The following ORC2 variants were observed in gnomAD, a reference collection of about 807,000 sequenced individuals.
The protein encoded by ORC2 is origin recognition complex protein 2 homolog.
A neutral mutation model predicts 77.7 loss-of-function variants in ORC2; 37 were observed. That is an observed-to-expected ratio of 0.48 (90% confidence interval 0.37 to 0.63). The LOEUF (loss-of-function observed/expected upper bound fraction) is 0.63, where lower values mean the gene tolerates loss of function less well. Among genes scored for constraint, ORC2 ranks in the 20% least tolerant of loss-of-function variants. The pLI is 0.00. For synonymous variants in ORC2, 201 were observed against 229.5 expected (o/e 0.88, Z 1.12); for missense variants, 557 against 661.9 (o/e 0.84, Z 1.74).
At position 200,914,713 on chromosome 2, in the gene ORC2, A is replaced by G. The variant is rs920239735; in HGVS notation, c.1467-721T>C. Reference sequence around the variant, plus strand: ...AAGATCACTTGAGCCTGGGAGCTTGAGGCTGTACTTGAGTGACAGACACCC... The same window carrying G: ...AAGATCACTTGAGCCTGGGAGCTTGGGGCTGTACTTGAGTGACAGACACCC... On this transcript the variant is annotated intron_variant, in intron 15 of 17. Coordinates refer to ENST00000234296, the MANE Select transcript of ORC2 (RefSeq NM_006190.5). Among the ~76,000 whole-genome samples, 28 of 152,198 alleles carry G rather than the reference A, an allele frequency of 1.8e-4. 1 individual carries two copies. The highest frequency in any genetic ancestry group is 6.5e-4 in the African/African-American group (27 of 41,452).
chr2:200,952,688 G>C (rs527706772), intron 4 of ORC2, among the ~76,000 whole-genome samples: 4 of 151,980 alleles, frequency 2.6e-5, no homozygotes, highest in Non-Finnish European at 5.9e-5. Context: ...GAGAAAATTT[G>C]AGAAACATGA....
At chr2:200,955,570 C>A (rs2041452416) in intron 4 of ORC2, among the ~76,000 whole-genome samples, 1 of 152,078 alleles carries the variant, frequency 6.6e-6, no homozygotes, top group African/African-American at 2.4e-5. Context: ...AACTGAAAAA[C>A]CAAATCACTT....
intron 1 of ORC2, chr2:200,963,230 A>C (rs963831560): frequency 7.7e-6 from 3 of 389,306 alleles, no homozygotes; most frequent in African/African-American, 2.1e-5. Context: ...TCAAGTCTTA[A>C]AGGACTTTGG....
rs1007581804 is a variant in ORC2 at position 200,918,550 on chromosome 2, G to A, written c.1466+1672C>T. On this transcript the variant is annotated intron_variant, in intron 15 of 17. Coordinates refer to ENST00000234296, the MANE Select transcript of ORC2 (RefSeq NM_006190.5). ...GTCACCCAGGCTGGAGTGCAGTGGCGTGATCTTGGCTTACTGCAACCTCCG... is the reference window on the plus strand; with the variant it reads ...GTCACCCAGGCTGGAGTGCAGTGGCATGATCTTGGCTTACTGCAACCTCCG... 8.0e-5 allele frequency among the ~76,000 whole-genome samples: 12 copies of A among 150,274 alleles called. No homozygotes were observed. In the East Asian group the frequency reaches 1.8e-3, roughly 22 times the overall value.
intron 9 of ORC2, among the ~76,000 whole-genome samples, chr2:200,934,854 G>A (rs2124985057): frequency 6.6e-6 from 1 of 152,308 alleles, no homozygotes; most frequent in East Asian, 1.9e-4. Flanking sequence ...AGCTATTTAA[G>A]CAGTAGGCTC....
intron 7 of ORC2, among the ~76,000 whole-genome samples, chr2:200,938,830 G>A (rs565470185): frequency 2.0e-5 from 3 of 151,940 alleles, no homozygotes; most frequent in African/African-American, 2.4e-5. Context: ...ACCTGAGGTC[G>A]GGAGTTTGAG....
intron 4 of ORC2, among the ~76,000 whole-genome samples, chr2:200,956,295 T>C (rs2041463534): frequency 6.6e-6 from 1 of 151,996 alleles, no homozygotes; most frequent in South Asian, 2.1e-4. Context: ...AGTGGTATGA[T>C]CACGGCTCAC....
At chr2:200,940,532 T>TG (rs16841503) in intron 7 of ORC2, among the ~76,000 whole-genome samples, 1,707 of 152,212 alleles carry the variant, frequency 0.011, 16 homozygotes, top group Non-Finnish European at 0.017. Context: ...CCAGGCGTGG[T>TG]GGCTCACACC....
chr2:200,938,717 G>A (rs149872851), intron 7 of ORC2, among the ~76,000 whole-genome samples: 3 of 152,282 alleles, frequency 2.0e-5, no homozygotes, highest in Admixed American at 6.5e-5. Flanking sequence ...GATTGCTGGT[G>A]TCATTAAAAT....
intron 11 of ORC2, among the ~76,000 whole-genome samples, chr2:200,928,252 A>G (rs563767371): frequency 1.3e-3 from 202 of 151,820 alleles, no homozygotes; most frequent in African/African-American, 4.8e-3. Context: ...GCTACTTGGG[A>G]GGCTGAGGCA....
chr2:200,913,363 TGAC>T lies in ORC2; in HGVS notation c.1576_1578del (p.Val526del), dbSNP rs746350723. The T allele has an allele frequency of 2.5e-6, 4 of 1,600,872 alleles. No homozygotes were observed. The African/African-American group carries it at 5.4e-5, about 21-fold the overall frequency. ...TGGGCCCGGAGTGTCAGATCACTATTGACGAGGAATGCCTCCCGACACTGCTGG... is the reference window on the plus strand; with the variant it reads ...TGGGCCCGGAGTGTCAGATCACTATTGAGGAATGCCTCCCGACACTGCTGG... On this transcript the variant is annotated inframe_deletion, in exon 17 of 18. Transcript: ENST00000234296.
At chr2:200,945,022 C>A (rs1181608168) in intron 5 of ORC2, among the ~76,000 whole-genome samples, 2 of 152,156 alleles carry the variant, frequency 1.3e-5, no homozygotes, top group Non-Finnish European at 2.9e-5. Flanking sequence ...TCTGTGGCTG[C>A]TTTTCAGCTA....
At chr2:200,921,245 C>G in intron 13 of ORC2, 106 bp from the exon 14 acceptor site, 1 of 595,192 alleles carries the variant, frequency 1.7e-6, no homozygotes, top group Non-Finnish European at 2.6e-6. Flanking sequence ...CTGCAGCCTC[C>G]AACTCCTGGA....
intron 1 of ORC2, 133 bp downstream of exon 1, chr2:200,963,357 A>C (rs897673654): frequency 2.5e-6 from 1 of 396,858 alleles, no homozygotes; most frequent in Non-Finnish European, 4.4e-6. Context: ...TGCCGAGGGA[A>C]AGTCCTGAGA....
Position 200,961,010 on chromosome 2 carries a change from C to T in ORC2, c.-59-1570G>A, listed in dbSNP as rs573410826. Among the ~76,000 whole-genome samples the T allele has an allele frequency of 2.4e-3, 366 of 152,014 alleles. 3 individuals carry two copies. The highest frequency in any genetic ancestry group is 8.5e-3 in the African/African-American group (354 of 41,446). ...CAGGATGGTGTCGATCTCTTGAACT[C>T]GTGATTGGCCCACCTCAGCCTCCCA... On this transcript the variant is annotated intron_variant, in intron 1 of 17. Transcript: ENST00000234296.
intron 10 of ORC2, among the ~76,000 whole-genome samples, chr2:200,932,491 C>T (rs2040962221): frequency 6.6e-6 from 1 of 152,024 alleles, no homozygotes; most frequent in Admixed American, 6.6e-5. Context: ...AGGCGCGTGC[C>T]ACCACGCCTG....
chr2:200,912,683 G>C (rs1427109783), intron 17 of ORC2, among the ~76,000 whole-genome samples: 3 of 151,992 alleles, frequency 2.0e-5, no homozygotes, highest in Non-Finnish European at 4.4e-5. Flanking sequence ...GCCTCCCAAA[G>C]TGCTGGGATC....
At chr2:200,958,408 T>C (rs1448730682) in intron 2 of ORC2, among the ~76,000 whole-genome samples, 1 of 152,048 alleles carries the variant, frequency 6.6e-6, no homozygotes, top group Non-Finnish European at 1.5e-5. Flanking sequence ...TAAAATAAAA[T>C]ATTCTCAGAA....
intron 5 of ORC2, among the ~76,000 whole-genome samples, chr2:200,943,406 T>A (rs1210086996): frequency 2.6e-5 from 4 of 151,900 alleles, no homozygotes; most frequent in Non-Finnish European, 5.9e-5. Flanking sequence ...AAAGACCAAA[T>A]CACTTATAAT....
Sources: gnomAD v4.1 joint callset for allele counts (sites outside exome capture counted in the v4.1 genomes callset) on GRCh38, gnomAD v4.1.1 for gene constraint, MANE v1.5 for transcripts, NCBI Gene and HGNC (gene_info 2026-07-23, HGNC 2026-07-21) for gene names.